The following GLP1R variants were observed in gnomAD, a reference collection of about 807,000 sequenced individuals.
GLP1R encodes the protein glucagon like peptide 1 receptor, also known as glucagon-like peptide 1 receptor.
GLP1R carries 32 observed loss-of-function variants against 68.4 expected under a neutral mutation model. The observed-to-expected ratio is 0.47, with a 90% CI of 0.35 to 0.63. The LOEUF is 0.63. GLP1R is among the 20% of genes least tolerant of loss of function. The pLI is 0.00. For synonymous variants in GLP1R, 263 were observed against 244.4 expected, an observed-to-expected ratio of 1.08 and a Z score of -0.71; for missense variants, 502 against 594.9, an observed-to-expected ratio of 0.84 and a Z score of 1.62.
intron 5 of GLP1R, among the ~76,000 whole-genome samples, chr6:39,067,890 A>G (rs1768557671): frequency 6.6e-6 from 1 of 152,188 alleles, no homozygotes; most frequent in East Asian, 1.9e-4. Context: ...TGTGCTTCCA[A>G]AATGAAATGT....
At chr6:39,068,110 A>G (rs1188725820) in intron 5 of GLP1R, among the ~76,000 whole-genome samples, 1 of 152,274 alleles carries the variant, frequency 6.6e-6, no homozygotes, top group African/African-American at 2.4e-5. Flanking sequence ...GGAAAAAAAT[A>G]AAGAATTAAA....
intron 1 of GLP1R, among the ~76,000 whole-genome samples, chr6:39,055,656 C>T (rs560852932): frequency 6.9e-6 from 1 of 144,716 alleles, no homozygotes; most frequent in South Asian, 2.2e-4. Flanking sequence ...AGGACTCTTC[C>T]TTTGGGTGGA....
In GLP1R at chr6:39,086,112, G is replaced by A. The variant is rs1769138495; in HGVS notation, c.*39G>A. The A allele has an allele frequency of 6.3e-7, 1 of 1,593,726 alleles. No homozygotes were observed. The highest frequency in any genetic ancestry group is 1.3e-5 in the African/African-American group (1 of 74,174). Reference sequence around the variant, plus strand: ...GCCCTCCCTGGGGTCCTTGCTGCAGGCCGGGTGGCCAATCCAGGTGGGAGA... The same window carrying A: ...GCCCTCCCTGGGGTCCTTGCTGCAGACCGGGTGGCCAATCCAGGTGGGAGA... On this transcript the variant is annotated 3_prime_UTR_variant, in exon 13 of 13. Coordinates refer to ENST00000373256, the MANE Select transcript of GLP1R (RefSeq NM_002062.5). The surrounding 1 kb of genome is among the most constrained non-coding windows in gnomAD (Gnocchi z 4.5).
intron 5 of GLP1R, among the ~76,000 whole-genome samples, chr6:39,068,914 G>T (rs577014295): frequency 5.4e-4 from 82 of 152,166 alleles, no homozygotes; most frequent in Non-Finnish European, 8.1e-4. Flanking sequence ...TGTTCACTTG[G>T]CCACACCCTT....
intron 5 of GLP1R, 41 bp downstream of exon 5, chr6:39,066,344 A>T: frequency 9.4e-7 from 1 of 1,061,704 alleles, no homozygotes; most frequent in South Asian, 1.3e-5. Flanking sequence ...GCTTCATCCT[A>T]ACTCCCCCAG....
Position 39,086,319 on chromosome 6 carries a change from C to T in GLP1R, c.*246C>T, listed in dbSNP as rs1769147178. 1.4e-5 allele frequency: 6 copies of T among 429,610 alleles called. No homozygotes were observed. Among genetic ancestry groups the T allele is most frequent in the Admixed American group, 3.9e-5 (1 of 25,504 alleles). The allele number at this position is 429,610 out of a possible 1,614,324, so 26.6% of individuals were successfully genotyped here. ...CAGCCTCCTAATTTGATCACAGTGGCGAGAGGAGAGGAAAAACGATCGCTG... is the reference window on the plus strand; with the variant it reads ...CAGCCTCCTAATTTGATCACAGTGGTGAGAGGAGAGGAAAAACGATCGCTG... On this transcript the variant is annotated 3_prime_UTR_variant, in exon 13 of 13. Transcript: ENST00000373256. This position sits in a 1 kb window ranked among gnomAD's most constrained non-coding sequence, Gnocchi z 4.5.
At chr6:39,080,889 A>ACAGATTTGGTTTT in intron 12 of GLP1R, 150 bp downstream of exon 12, 1 of 542,612 alleles carries the variant, frequency 1.8e-6, no homozygotes, top group Admixed American at 4.0e-5. Context: ...CATCTTGTCC[A>ACAGATTTGGTTTT]CAGATTTGGT....
rs10305453 is a variant in GLP1R at position 39,065,923 on chromosome 6, T to A, written c.402+94T>A. 6.7e-6 allele frequency: 5 copies of A among 744,134 alleles called. No individual in the cohort carries two copies. The East Asian group carries it at 1.0e-4, about 15-fold the overall frequency. 46.1% of individuals were successfully genotyped at this position (744,134 alleles called of 1,614,324 possible). The stretch of plus-strand genomic sequence containing the variant: ...GACCCTTGGCTTTGATGGGGGCATC[T>A]GTGGTCATTTCATCCATCTCCTTGC... On this transcript the variant is annotated intron_variant, in intron 4 of 12. Transcript: ENST00000373256.
chr6:39,061,033 A>T (rs1320002413), intron 3 of GLP1R, among the ~76,000 whole-genome samples: 1 of 152,196 alleles, frequency 6.6e-6, no homozygotes, highest in Non-Finnish European at 1.5e-5. Flanking sequence ...GAACAGGCAG[A>T]TGCAGAAGGG....
chr6:39,066,508 A>T (rs10305460), intron 5 of GLP1R, among the ~76,000 whole-genome samples: 3,876 of 152,330 alleles, frequency 0.025, 157 homozygotes, highest in African/African-American at 0.086. Context: ...CCACGGTGTA[A>T]AAGTGTGCGT....
rs148468737 is a variant in GLP1R, at chr6:39,073,779, G to A, written c.823+10G>A. Reference sequence around the variant, plus strand: ...GTGAGCATAGGCTGGGGTAAGAACCGCCATCACCCACCCTGGACCTGTGGC... The same window carrying A: ...GTGAGCATAGGCTGGGGTAAGAACCACCATCACCCACCCTGGACCTGTGGC... On this transcript the variant is annotated intron_variant, in intron 7 of 12. Coordinates refer to ENST00000373256, the MANE Select transcript of GLP1R (RefSeq NM_002062.5). 17 of 1,612,826 alleles carry A rather than the reference G, an allele frequency of 1.1e-5. No homozygotes were observed. The highest frequency in any genetic ancestry group is 1.2e-5 in the Non-Finnish European group (14 of 1,179,280).
At chr6:39,083,436 G>T (rs1266820321) in intron 12 of GLP1R, among the ~76,000 whole-genome samples, 1 of 152,228 alleles carries the variant, frequency 6.6e-6, no homozygotes, top group Non-Finnish European at 1.5e-5. Flanking sequence ...GAGGAGAAAA[G>T]ATGGCTTGAA....
chr6:39,055,259 G>A (rs1397489815), intron 1 of GLP1R, among the ~76,000 whole-genome samples: 3 of 152,208 alleles, frequency 2.0e-5, no homozygotes, highest in East Asian at 1.9e-4. Flanking sequence ...TTCAGCACAC[G>A]TGGACATTTT....
chr6:39,069,811 C>G (rs1268786291), intron 5 of GLP1R, among the ~76,000 whole-genome samples: 2 of 152,152 alleles, frequency 1.3e-5, no homozygotes, highest in Non-Finnish European at 2.9e-5. Context: ...TCCCCACTCT[C>G]GGTACCAATT....
intron 5 of GLP1R, among the ~76,000 whole-genome samples, chr6:39,071,618 C>T (rs963276614): frequency 6.6e-6 from 1 of 152,056 alleles, no homozygotes; most frequent in Non-Finnish European, 1.5e-5. Context: ...TGCAGCAAGG[C>T]TCCACGTATG....
In GLP1R at chr6:39,056,437, G is replaced by A. The variant is rs200849157; in HGVS notation, c.119G>A (p.Arg40Gln). 18 of 1,611,362 alleles carry A rather than the reference G, an allele frequency of 1.1e-5. 1 individual carries two copies. Among genetic ancestry groups the A allele is most frequent in the East Asian group, 2.2e-5 (1 of 44,866 alleles). The stretch of plus-strand genomic sequence containing the variant: ...CTCTGGGAGACGGTGCAGAAATGGC[G>A]AGAATACCGACGCCAGTGCCAGCGC... ...VSLWETVQKW[R>Q]EYRRQCQRSL... Residue 40 changes from arginine (R) to glutamine (Q), a missense_variant, in exon 2 of 13, where the codon CGA becomes CAA. Physicochemically the swap from Arg to Gln is conservative, Grantham distance 43 (BLOSUM62 1). Coordinates refer to ENST00000373256, the MANE Select transcript of GLP1R (RefSeq NM_002062.5).
At chr6:39,060,050 C>T (rs945659614) in intron 3 of GLP1R, among the ~76,000 whole-genome samples, 1 of 152,130 alleles carries the variant, frequency 6.6e-6, no homozygotes, top group Non-Finnish European at 1.5e-5. Flanking sequence ...GAATCACCGA[C>T]TCTGCTGCCC....
At chr6:39,059,553 G>A (rs904024620) in intron 3 of GLP1R, among the ~76,000 whole-genome samples, 2 of 152,208 alleles carry the variant, frequency 1.3e-5, no homozygotes, top group African/African-American at 4.8e-5. Context: ...GTGTAAGCAG[G>A]AGCAAGTTGC....
chr6:39,060,635 T>C (rs1490265479), intron 3 of GLP1R, among the ~76,000 whole-genome samples: 1 of 152,140 alleles, frequency 6.6e-6, no homozygotes, highest in African/African-American at 2.4e-5. Flanking sequence ...CCAGCCTCTC[T>C]CTCCCTCTGC....
Sources: allele counts gnomAD v4.1 joint callset (sites outside exome capture counted in the v4.1 genomes callset), GRCh38; gene constraint gnomAD v4.1.1; non-coding constraint Gnocchi (gnomAD v3.1); transcripts MANE v1.5; gene names NCBI Gene and HGNC (gene_info 2026-07-23, HGNC 2026-07-21).